The following IHO1 variants were observed in gnomAD, a reference collection of about 807,000 sequenced individuals.
IHO1 encodes the protein interactor of HORMAD1 protein 1.
A neutral mutation model predicts 31.0 loss-of-function variants in IHO1; 13 were observed. The observed-to-expected ratio is 0.42, with a 90% confidence interval of 0.27 to 0.67. The LOEUF is 0.67. IHO1 is among the 30% of genes least tolerant of loss of function. The probability of loss-of-function intolerance (pLI) is 0.24; values close to 1 mark genes in which losing one functional copy is unlikely to be tolerated. For synonymous variants in IHO1, 221 were observed against 248.4 expected (o/e 0.89, Z 1.04); for missense variants, 599 against 687.5 (o/e 0.87, Z 1.44).
upstream of IHO1, among the ~76,000 whole-genome samples, chr3:49,196,216 A>G (rs1156929929): frequency 2.8e-5 from 4 of 142,034 alleles, no homozygotes; most frequent in African/African-American, 1.0e-4. Context: ...GGGCGACAGT[A>G]AGACTCCGTC....
rs1326832317 is a variant in IHO1, at chr3:49,217,409, G to A, written c.56+5573G>A. Among the ~76,000 whole-genome samples the A allele has an allele frequency of 2.0e-5, 3 of 149,040 alleles. No homozygotes were observed. The Admixed American group carries it at 2.1e-4, about 10-fold the overall frequency. On this transcript the variant is annotated intron_variant, in intron 2 of 7. Transcript: ENST00000452691. Reference sequence around the variant, plus strand: ...AAGGACAGAAAACCAAACACCACATGTTCTCACTCAAGTGGGAGTTGAACA... The same window carrying A: ...AAGGACAGAAAACCAAACACCACATATTCTCACTCAAGTGGGAGTTGAACA...
chr3:49,205,550 A>G (rs2046124899), intron 1 of IHO1, among the ~76,000 whole-genome samples: 1 of 149,838 alleles, frequency 6.7e-6, no homozygotes, highest in African/African-American at 2.5e-5. Context: ...CGAATTGCTG[A>G]CCTCGAGTGC....
At chr3:49,213,908 G>A (rs1437646184) in intron 2 of IHO1, 2 of 358,688 alleles carry the variant, frequency 5.6e-6, no homozygotes, top group East Asian at 1.7e-4. Context: ...ACAGGCTGAA[G>A]GGCTCCTCAA....
At chr3:49,202,752 T>C (rs1364755903) in intron 1 of IHO1, among the ~76,000 whole-genome samples, 1 of 151,756 alleles carries the variant, frequency 6.6e-6, no homozygotes, top group East Asian at 1.9e-4. Flanking sequence ...CTTGGCTCAC[T>C]GCAACCTCCG....
intron 2 of IHO1, among the ~76,000 whole-genome samples, chr3:49,231,377 C>T (rs547062873): frequency 6.6e-6 from 1 of 152,250 alleles, no homozygotes; most frequent in East Asian, 1.9e-4. Context: ...GAAATTTAAA[C>T]CAATTGAAGG....
intron 1 of IHO1, among the ~76,000 whole-genome samples, chr3:49,201,228 C>T (rs528667716): frequency 4.0e-4 from 61 of 151,926 alleles, no homozygotes; most frequent in Middle Eastern, 3.4e-3. Flanking sequence ...CTCCTGACCT[C>T]GTGATCCGCC....
At chr3:49,233,755 C>T (rs1465584528) in intron 2 of IHO1, among the ~76,000 whole-genome samples, 1 of 152,254 alleles carries the variant, frequency 6.6e-6, no homozygotes, top group Non-Finnish European at 1.5e-5. Context: ...AACAAAATCT[C>T]TGCAGCACTG....
At chr3:49,221,051 CCCATTTTACAGAGTGCTGATTGGG>C (rs1451087380) in intron 2 of IHO1, among the ~76,000 whole-genome samples, 66 of 152,288 alleles carry the variant, frequency 4.3e-4, no homozygotes, top group African/African-American at 1.3e-3. Context: ...AGCTGATTGG[CCCATTTTACAGAGTGCTGATTGGG>C]CCATTTTACA....
At chr3:49,248,282 C>T (rs1277596093) in intron 6 of IHO1, among the ~76,000 whole-genome samples, 3 of 151,738 alleles carry the variant, frequency 2.0e-5, no homozygotes, top group Admixed American at 6.6e-5. Flanking sequence ...ATTAGCTGGG[C>T]GTGGTGGCGG....
chr3:49,248,314 C>G (rs1308344994), intron 6 of IHO1, among the ~76,000 whole-genome samples: 2 of 150,644 alleles, frequency 1.3e-5, no homozygotes, highest in African/African-American at 4.9e-5. Context: ...CCCAGCTACT[C>G]AGGAGGCTGA....
the IHO1 span, chr3:49,191,733 G>A: frequency 6.3e-7 from 1 of 1,592,598 alleles, no homozygotes. Context: ...TTAACATAAA[G>A]TGCACTCTTA....
upstream of IHO1, among the ~76,000 whole-genome samples, chr3:49,197,975 G>A (rs1364871709): frequency 4.0e-5 from 6 of 151,618 alleles, no homozygotes; most frequent in Admixed American, 3.9e-4. Flanking sequence ...GCACTCATTT[G>A]CCTCAGGCAA....
In IHO1 at chr3:49,256,265, G is replaced by C; in HGVS notation, c.768G>C (p.Glu256Asp). Residue 256 changes from glutamate to aspartate, a missense_variant, in exon 8 of 8, where the codon GAG becomes GAC. Coordinates refer to ENST00000452691, the MANE Select transcript of IHO1 (RefSeq NM_001135197.2). This position sits in a 1 kb window ranked among gnomAD's most constrained non-coding sequence, Gnocchi z 4.6. ...GQLNVPSVLA[E>D]LKRLISVPPV... ...TGAATGTGCCCAGTGTCCTAGCAGA[G>C]CTGAAGAGATTGATCTCAGTGCCTC... is the stretch of plus-strand genomic sequence containing the variant. 1 of 1,614,208 alleles carries C rather than the reference G, an allele frequency of 6.2e-7. No individual in the cohort carries two copies. Among genetic ancestry groups the C allele is most frequent in the Non-Finnish European group, 8.5e-7 (1 of 1,180,042 alleles).
At chr3:49,214,308 G>A (rs1051032771) in intron 2 of IHO1, among the ~76,000 whole-genome samples, 2 of 152,124 alleles carry the variant, frequency 1.3e-5, no homozygotes, top group East Asian at 3.9e-4. Flanking sequence ...GTATTGACAA[G>A]GCTCATTGAG....
In IHO1 at chr3:49,257,356, A is replaced by G. The variant is rs1357553211; in HGVS notation, c.*74A>G. Reference sequence around the variant, plus strand: ...GACATTTGGGCTGGCCAACAGCAGAAAGTCCCTGAAGCCTGCCAAGTACCC... The same window carrying G: ...GACATTTGGGCTGGCCAACAGCAGAGAGTCCCTGAAGCCTGCCAAGTACCC... On this transcript the variant is annotated 3_prime_UTR_variant, in exon 8 of 8. Transcript: ENST00000452691. 29 of 1,439,340 alleles carry G rather than the reference A, an allele frequency of 2.0e-5. 1 individual carries two copies. Among genetic ancestry groups the G allele is most frequent in the Non-Finnish European group, 2.3e-5 (24 of 1,048,356 alleles). The allele number at this position is 1,439,340 out of a possible 1,614,324, so 89.2% of individuals were successfully genotyped here.
upstream of IHO1, among the ~76,000 whole-genome samples, chr3:49,194,461 G>A (rs1379379785): frequency 4.1e-5 from 6 of 145,832 alleles, no homozygotes; most frequent in Admixed American, 6.8e-5. Flanking sequence ...CCACCACCCC[G>A]CCTGGCTAAT....
intron 6 of IHO1, among the ~76,000 whole-genome samples, chr3:49,247,022 T>C (rs2046703490): frequency 6.6e-6 from 1 of 151,856 alleles, no homozygotes; most frequent in Non-Finnish European, 1.5e-5. Context: ...CTAATTTTTG[T>C]ATTTTTAGTA....
chr3:49,212,893 C>G (rs1259258933), intron 2 of IHO1, among the ~76,000 whole-genome samples: 2 of 152,214 alleles, frequency 1.3e-5, no homozygotes, highest in Non-Finnish European at 2.9e-5. Context: ...CCACTGCTGG[C>G]TCGGGCATCC....
intron 2 of IHO1, chr3:49,228,285 C>A: frequency 8.9e-6 from 4 of 447,926 alleles, no homozygotes; most frequent in South Asian, 6.4e-5. Flanking sequence ...CCCGGAAGTA[C>A]AGGAAAAGCA....
Sources: gnomAD v4.1 joint callset for allele counts (sites outside exome capture counted in the v4.1 genomes callset) on GRCh38, gnomAD v4.1.1 for gene constraint, Gnocchi (gnomAD v3.1) non-coding constraint, MANE v1.5 for transcripts, NCBI Gene and HGNC (gene_info 2026-07-23, HGNC 2026-07-21) for gene names.